LINGO2: variants seen among roughly 807,000 people sequenced by gnomAD.
LINGO2 encodes leucine rich repeat and Ig domain containing 2, also known as leucine-rich repeat and immunoglobulin-like domain-containing nogo receptor-interacting protein 2.
LINGO2 carries 14 observed loss-of-function variants against 30.6 expected under a neutral mutation model. The ratio of observed to expected loss-of-function variants is 0.46; its 90% CI spans 0.30 to 0.72. LINGO2 has a LOEUF of 0.72. LINGO2 is among the 30% of genes least tolerant of loss of function. The pLI is 0.07. For synonymous variants in LINGO2, 317 were observed against 288.5 expected (o/e 1.10, Z -1.00); for missense variants, 729 against 751.7 (o/e 0.97, Z 0.35).
exon 4 of LINGO2, chr9:28,295,340 C>A (rs1342903123): frequency 6.6e-6 from 1 of 152,526 alleles, no homozygotes; most frequent in African/African-American, 2.4e-5. Context: ...CTCTCAGAGT[C>A]CCACAAGCCA....
intron 1 of LINGO2, among the ~76,000 whole-genome samples, chr9:28,634,020 G>C (rs894156207): frequency 3.3e-5 from 5 of 152,122 alleles, no homozygotes; most frequent in African/African-American, 1.2e-4. Flanking sequence ...AGAGACCAAG[G>C]GCTCTGGATA....
chr9:28,266,251 G>T (rs1822746207), intron 4 of LINGO2, among the ~76,000 whole-genome samples: 1 of 151,904 alleles, frequency 6.6e-6, no homozygotes, highest in Admixed American at 6.6e-5. Context: ...GATATTGTAA[G>T]GAAGTTGTCA....
chr9:28,977,958 C>G, the LINGO2 span, among the ~76,000 whole-genome samples: 2 of 152,016 alleles, frequency 1.3e-5, no homozygotes, highest in East Asian at 1.9e-4. Context: ...TCAGAGGAAG[C>G]CATTTCCATA....
the LINGO2 span, among the ~76,000 whole-genome samples, chr9:29,059,416 A>T: frequency 6.7e-6 from 1 of 150,248 alleles, no homozygotes; most frequent in African/African-American, 2.4e-5. Flanking sequence ...TTAAAATTAA[A>T]AAATAAATAA....
intron 3 of LINGO2, among the ~76,000 whole-genome samples, chr9:28,356,830 C>A (rs917695983): frequency 2.0e-5 from 3 of 151,986 alleles, no homozygotes; most frequent in African/African-American, 7.2e-5. Context: ...ACTATTGGAT[C>A]CTATTTCTAA....
chr9:28,631,783 C>T (rs1034946371), intron 1 of LINGO2, among the ~76,000 whole-genome samples: 1 of 152,050 alleles, frequency 6.6e-6, no homozygotes. Flanking sequence ...TTCATTCAGA[C>T]TCAAATTCAT....
At chr9:28,932,590 G>A in the LINGO2 span, among the ~76,000 whole-genome samples, 2 of 152,122 alleles carry the variant, frequency 1.3e-5, no homozygotes, top group African/African-American at 2.4e-5. Context: ...AGAACTTCGT[G>A]AGTTCTAAAA....
chr9:28,647,270 T>A (rs1021068382), intron 1 of LINGO2, among the ~76,000 whole-genome samples: 1 of 152,126 alleles, frequency 6.6e-6, no homozygotes, highest in Non-Finnish European at 1.5e-5. Context: ...ACCTCTTACT[T>A]CCCATAATAA....
At chr9:28,134,428 C>A (rs1250893332) in intron 4 of LINGO2, among the ~76,000 whole-genome samples, 1 of 152,164 alleles carries the variant, frequency 6.6e-6, no homozygotes, top group African/African-American at 2.4e-5. Flanking sequence ...TGCCTGACTT[C>A]AATTTGCAGA....
intron 4 of LINGO2, among the ~76,000 whole-genome samples, chr9:28,017,829 A>G (rs1822915980): frequency 6.6e-6 from 1 of 152,184 alleles, no homozygotes; most frequent in Non-Finnish European, 1.5e-5. Flanking sequence ...TACCAATGAC[A>G]TTCTTCTCAG....
At chr9:28,551,475 T>C (rs1271562253) in intron 1 of LINGO2, among the ~76,000 whole-genome samples, 1 of 152,004 alleles carries the variant, frequency 6.6e-6, no homozygotes, top group Non-Finnish European at 1.5e-5. Flanking sequence ...TTTTAGGTGA[T>C]TTAAAATTTC....
chr9:28,180,345 G>A (rs1438691188), intron 4 of LINGO2, among the ~76,000 whole-genome samples: 1 of 152,050 alleles, frequency 6.6e-6, no homozygotes, highest in Non-Finnish European at 1.5e-5. Flanking sequence ...TTCATGTAAA[G>A]TTTTCTATCT....
intron 1 of LINGO2, among the ~76,000 whole-genome samples, chr9:28,479,798 T>C (rs59752976): frequency 0.019 from 2,862 of 149,640 alleles, 93 homozygotes; most frequent in East Asian, 0.094. Context: ...ATTTCTCCCA[T>C]ATAAGTACCA....
chr9:28,492,081 A>G (rs1826416455), intron 1 of LINGO2, among the ~76,000 whole-genome samples: 1 of 152,232 alleles, frequency 6.6e-6, no homozygotes, highest in Non-Finnish European at 1.5e-5. Flanking sequence ...TGCCAATAAC[A>G]TTCAAAACAA....
chr9:28,250,757 C>A (rs894503049), intron 4 of LINGO2, among the ~76,000 whole-genome samples: 5 of 152,298 alleles, frequency 3.3e-5, no homozygotes, highest in African/African-American at 1.2e-4. Flanking sequence ...GGACAGCTTG[C>A]ACTTATGCCC....
At chr9:28,322,768 A>G (rs1166503514) in intron 3 of LINGO2, among the ~76,000 whole-genome samples, 1 of 152,236 alleles carries the variant, frequency 6.6e-6, no homozygotes, top group Non-Finnish European at 1.5e-5. Flanking sequence ...AAATAAAATC[A>G]TATAGACAAC....
the LINGO2 span, among the ~76,000 whole-genome samples, chr9:28,931,538 G>A: frequency 3.7e-4 from 56 of 152,116 alleles, no homozygotes; most frequent in Admixed American, 2.5e-3. Context: ...ATCTGGGGCT[G>A]TACTTTCCAC....
chr9:28,614,777 T>C (rs755761357), intron 1 of LINGO2, among the ~76,000 whole-genome samples: 17 of 152,150 alleles, frequency 1.1e-4, no homozygotes, highest in Non-Finnish European at 2.4e-4. Context: ...CTGCTTCTCA[T>C]ATTATAACCT....
chr9:28,833,500 G>T, the LINGO2 span, among the ~76,000 whole-genome samples: 19 of 152,150 alleles, frequency 1.2e-4, no homozygotes, highest in African/African-American at 4.6e-4. Flanking sequence ...TGGAACCTAA[G>T]TCTGAGAGAG....
Sources: gnomAD v4.1 joint callset for allele counts (sites outside exome capture counted in the v4.1 genomes callset) on GRCh38, gnomAD v4.1.1 for gene constraint, MANE v1.5 for transcripts, NCBI Gene and HGNC (gene_info 2026-07-23, HGNC 2026-07-21) for gene names.